The following NKAIN2 variants were observed in gnomAD, a reference collection of about 807,000 sequenced individuals.
The protein encoded by NKAIN2 is sodium/potassium-transporting ATPase subunit beta-1-interacting protein 2.
Under a neutral mutation model 32.6 loss-of-function variants are expected in NKAIN2, and 14 were observed. That is an observed-to-expected ratio of 0.43 (90% CI 0.28 to 0.67). The LOEUF (loss-of-function observed/expected upper bound fraction) is 0.67, where lower values mean the gene tolerates loss of function less well. NKAIN2 is among the 30% of genes least tolerant of loss of function. The probability of loss-of-function intolerance (pLI) is 0.17; values close to 1 mark genes in which losing one functional copy is unlikely to be tolerated. For synonymous variants in NKAIN2, 80 were observed against 87.2 expected (o/e 0.92, Z 0.46); for missense variants, 198 against 258.3 (o/e 0.77, Z 1.60).
chr6:124,257,677 C>G (rs1000774982), intron 1 of NKAIN2, among the ~76,000 whole-genome samples: 1 of 152,076 alleles, frequency 6.6e-6, no homozygotes, highest in Non-Finnish European at 1.5e-5. Flanking sequence ...TTTGCACTTG[C>G]ATTCCTGTTT....
intron 1 of NKAIN2, among the ~76,000 whole-genome samples, chr6:124,092,386 T>C (rs904867452): frequency 6.6e-6 from 1 of 152,130 alleles, no homozygotes; most frequent in African/African-American, 2.4e-5. Flanking sequence ...AGAAAATATA[T>C]AAGGAACAAT....
intron 4 of NKAIN2, among the ~76,000 whole-genome samples, chr6:124,659,237 A>C (rs1040603335): frequency 1.3e-4 from 20 of 152,136 alleles, no homozygotes; most frequent in African/African-American, 4.6e-4. Context: ...TGGATGTGCA[A>C]TTGATGTGCA....
chr6:124,783,063 T>C lies in NKAIN2; in HGVS notation c.475-8276T>C, dbSNP rs1266846180. Among the ~76,000 whole-genome samples the C allele has an allele frequency of 2.0e-5, 3 of 152,120 alleles. No individual in the cohort carries two copies. In the East Asian group the frequency reaches 5.8e-4, roughly 29 times the overall value. On this transcript the variant is annotated intron_variant, in intron 4 of 6. Transcript: ENST00000368417. ...GATCATCTCCCAACCGGCACATGTATGGAATGGTTGAACTACTGCTGTCAA... is the reference window on the plus strand; with the variant it reads ...GATCATCTCCCAACCGGCACATGTACGGAATGGTTGAACTACTGCTGTCAA...
chr6:124,434,301 C>T (rs1192825571), intron 3 of NKAIN2, among the ~76,000 whole-genome samples: 1 of 152,124 alleles, frequency 6.6e-6, no homozygotes, highest in African/African-American at 2.4e-5. Flanking sequence ...CACATCAGTA[C>T]ATTTCATATG....
chr6:124,309,684 C>T (rs949432879), intron 2 of NKAIN2, among the ~76,000 whole-genome samples: 1 of 152,210 alleles, frequency 6.6e-6, no homozygotes, highest in African/African-American at 2.4e-5. Flanking sequence ...TCTTTGTCAT[C>T]TCAATTGTAA....
chr6:123,868,998 A>G (rs2114272420), intron 1 of NKAIN2, among the ~76,000 whole-genome samples: 1 of 152,328 alleles, frequency 6.6e-6, no homozygotes, highest in African/African-American at 2.4e-5. Context: ...CATGTCCCAA[A>G]TAAAGTCTGT....
chr6:123,897,107 T>C (rs1236163037), intron 1 of NKAIN2, among the ~76,000 whole-genome samples: 1 of 152,154 alleles, frequency 6.6e-6, no homozygotes, highest in Non-Finnish European at 1.5e-5. Context: ...ACAATTGTAG[T>C]AGCTATATCA....
intron 4 of NKAIN2, among the ~76,000 whole-genome samples, chr6:124,744,138 A>G (rs1732565301): frequency 6.6e-6 from 1 of 151,896 alleles, no homozygotes; most frequent in Admixed American, 6.6e-5. Context: ...TACTTTGATT[A>G]ATGGCTGATG....
rs369262865 is a variant in NKAIN2 at position 124,105,975 on chromosome 6, G to C, written c.55-177030G>C. ...TTTTATACATGGGAAAATTAAGGCA[G>C]ATGGAATTTGAGTAATTTTCCCAGG... On this transcript the variant is annotated intron_variant, in intron 1 of 6. Transcript: ENST00000368417. 2.6e-4 allele frequency among the ~76,000 whole-genome samples: 40 copies of C among 152,292 alleles called. No homozygotes were observed. In the East Asian group the frequency reaches 6.4e-3, roughly 24 times the overall value.
chr6:124,607,692 A>G (rs1244222910), intron 3 of NKAIN2, among the ~76,000 whole-genome samples: 3 of 152,076 alleles, frequency 2.0e-5, no homozygotes, highest in East Asian at 1.9e-4. Flanking sequence ...GTGTGTGTTT[A>G]TATATGAATA....
chr6:123,883,770 C>T (rs1773578776), intron 1 of NKAIN2, among the ~76,000 whole-genome samples: 1 of 148,974 alleles, frequency 6.7e-6, no homozygotes, highest in Admixed American at 6.7e-5. Flanking sequence ...TGTCAGGCGC[C>T]TGTAGTCCCA....
chr6:123,993,573 T>A (rs908857020), intron 1 of NKAIN2, among the ~76,000 whole-genome samples: 11 of 152,200 alleles, frequency 7.2e-5, no homozygotes, highest in Admixed American at 2.0e-4. Context: ...TGACTCTGGC[T>A]GTGTACAGTA....
intron 1 of NKAIN2, among the ~76,000 whole-genome samples, chr6:124,024,851 G>A (rs1781033511): frequency 6.6e-6 from 1 of 152,034 alleles, no homozygotes; most frequent in Admixed American, 6.6e-5. Flanking sequence ...GCCGAGCATG[G>A]TGGCACATGC....
intron 1 of NKAIN2, among the ~76,000 whole-genome samples, chr6:124,281,685 A>C (rs1161970436): frequency 6.6e-6 from 1 of 152,156 alleles, no homozygotes; most frequent in Non-Finnish European, 1.5e-5. Context: ...TGTGCCTTAG[A>C]AAATAGAGGT....
chr6:124,705,957 C>T (rs140698128), intron 4 of NKAIN2, among the ~76,000 whole-genome samples: 5 of 152,200 alleles, frequency 3.3e-5, no homozygotes, highest in Admixed American at 3.3e-4. Context: ...ATCCTCCACA[C>T]ATACTGTTGG....
rs1794223472 is a variant in NKAIN2 at position 124,260,951 on chromosome 6, A to G, written c.55-22054A>G. ...ACACTCAATAATTGTGCTGAGAGTA[A>G]TATGTGTAAGATGCAGTTCTTGGCC... On this transcript the variant is annotated intron_variant, in intron 1 of 6. Coordinates refer to ENST00000368417, the MANE Select transcript of NKAIN2 (RefSeq NM_001040214.3). 2.6e-5 allele frequency among the ~76,000 whole-genome samples: 4 copies of G among 152,230 alleles called. No individual in the cohort carries two copies. In the South Asian group the frequency reaches 8.3e-4, roughly 31 times the overall value.
At chr6:124,219,283 CTTTT>C (rs5879720) in intron 1 of NKAIN2, among the ~76,000 whole-genome samples, 1 of 128,950 alleles carries the variant, frequency 7.8e-6, no homozygotes, top group Non-Finnish European at 1.7e-5. Context: ...TTCTTTTTTT[CTTTT>C]TTTTTTTTGA....
chr6:124,441,252 C>T (rs2114595930), intron 3 of NKAIN2, among the ~76,000 whole-genome samples: 1 of 152,132 alleles, frequency 6.6e-6, no homozygotes, highest in African/African-American at 2.4e-5. Context: ...TCTAGTTCTG[C>T]AGAGTTTCTG....
intron 1 of NKAIN2, among the ~76,000 whole-genome samples, chr6:123,833,759 G>A (rs1423007171): frequency 1.3e-4 from 17 of 127,260 alleles, no homozygotes; most frequent in South Asian, 7.9e-4. Context: ...TTTGAGTCTC[G>A]CTTTGTTGCC....
Sources: allele counts gnomAD v4.1 joint callset (sites outside exome capture counted in the v4.1 genomes callset), GRCh38; gene constraint gnomAD v4.1.1; transcripts MANE v1.5; gene names NCBI Gene and HGNC (gene_info 2026-07-23, HGNC 2026-07-21).